Variants in PCDHA12 observed in about 807,000 individuals in gnomAD.
The protein encoded by PCDHA12 is protocadherin alpha-12.
In PCDHA12, 44 loss-of-function variants were observed where a neutral mutation model predicts 60.0. That is an observed-to-expected ratio of 0.73 (90% confidence interval 0.58 to 0.94). The LOEUF (loss-of-function observed/expected upper bound fraction) is 0.94. Among genes scored for constraint, PCDHA12 ranks in the 40% least tolerant of loss-of-function variants. The pLI, the probability that PCDHA12 is intolerant of heterozygous loss-of-function variation, is 0.00. For synonymous variants in PCDHA12, 569 were observed against 553.0 expected (o/e 1.03, Z -0.40); for missense variants, 1,276 against 1,239.7 (o/e 1.03, Z -0.44).
At chr5:140,993,720 T>C (rs1201014213) in intron 3 of PCDHA12, among the ~76,000 whole-genome samples, 2 of 152,172 alleles carry the variant, frequency 1.3e-5, no homozygotes, top group Non-Finnish European at 2.9e-5. Context: ...TTACTGTACC[T>C]TTTCTATGTT....
chr5:140,938,385 A>G (rs952402645), intron 1 of PCDHA12, among the ~76,000 whole-genome samples: 8 of 152,202 alleles, frequency 5.3e-5, no homozygotes, highest in Admixed American at 2.6e-4. Flanking sequence ...TAAATATTTA[A>G]TATGAAATAC....
chr5:140,997,557 A>G lies in PCDHA12; in HGVS notation c.2516-12070A>G, dbSNP rs1392974918. On this transcript the variant is annotated intron_variant, in intron 3 of 3. Coordinates refer to ENST00000398631, the MANE Select transcript of PCDHA12 (RefSeq NM_018903.4). ...TACATTATTATAATCTTACAGGACA[A>G]CTGTCATATGTGTGGTCCGTTGTTG... is the stretch of plus-strand genomic sequence containing the variant. Among the ~76,000 whole-genome samples, 15 of 152,262 alleles carry G rather than the reference A, an allele frequency of 9.9e-5. No individual in the cohort carries two copies. In the South Asian group the frequency reaches 1.2e-3, roughly 13 times the overall value.
chr5:140,896,750 A>G (rs781993760), intron 1 of PCDHA12, among the ~76,000 whole-genome samples: 3 of 152,114 alleles, frequency 2.0e-5, no homozygotes, highest in Non-Finnish European at 4.4e-5. Flanking sequence ...GATTCTGGAT[A>G]TTAGACCTTT....
At chr5:140,974,379 T>G (rs2096625482) in intron 1 of PCDHA12, among the ~76,000 whole-genome samples, 1 of 152,250 alleles carries the variant, frequency 6.6e-6, no homozygotes, top group South Asian at 2.1e-4. Flanking sequence ...TCTGTTGTAC[T>G]GGAACCCATT....
intron 1 of PCDHA12, among the ~76,000 whole-genome samples, chr5:140,937,353 T>C (rs2091494629): frequency 6.6e-6 from 1 of 152,146 alleles, no homozygotes; most frequent in Admixed American, 6.5e-5. Context: ...ATTTATTTTA[T>C]TATTTTATCT....
At position 140,877,299 on chromosome 5, in the gene PCDHA12, C is replaced by A. The variant is rs374061607; in HGVS notation, c.1827C>A (p.Tyr609Ter). 1,401 of 1,613,926 alleles carry A rather than the reference C, an allele frequency of 8.7e-4. 20 individuals carry two copies. The South Asian group carries it at 0.013, about 15-fold the overall frequency. The change falls in exon 1 of 4, where the codon TAC becomes TAA. Residue 609 changes from tyrosine to a stop codon, truncating the protein, a stop_gained. Transcript: ENST00000398631. LOFTEE classifies it high-confidence loss of function. ...CCGGCTATAACGCTTGGCTGTCCTA[C>A]GAGTTGCAACCGGCGGCGGTCGGCG... ...ADSGYNAWLS[Y>*]ELQPAAVGAH... is the part of the protein sequence containing the mutation.
At chr5:140,897,881 C>T (rs1417702752) in intron 1 of PCDHA12, among the ~76,000 whole-genome samples, 1 of 152,194 alleles carries the variant, frequency 6.6e-6, no homozygotes. Context: ...GATTGCCATT[C>T]TAACTGGTGT....
intron 1 of PCDHA12, among the ~76,000 whole-genome samples, chr5:140,959,089 C>T (rs150796442): frequency 0.023 from 3,565 of 152,100 alleles, 49 homozygotes; most frequent in Middle Eastern, 0.034. Context: ...TCCTTGGTTT[C>T]GGACATTCAG....
intron 1 of PCDHA12, among the ~76,000 whole-genome samples, chr5:140,906,410 A>T (rs1454575995): frequency 6.6e-6 from 1 of 152,246 alleles, no homozygotes; most frequent in Non-Finnish European, 1.5e-5. Flanking sequence ...ATATGAAGTC[A>T]ATAAATCTTA....
chr5:140,882,888 A>G, intron 1 of PCDHA12: 1 of 1,614,190 alleles, frequency 6.2e-7, no homozygotes. Context: ...GAAATTCAGG[A>G]ACATAGTTTA....
chr5:140,989,004 CTTA>C (rs1445940440), intron 3 of PCDHA12: 15 of 152,184 alleles, frequency 9.9e-5, no homozygotes, highest in African/African-American at 3.4e-4. Context: ...GAAATAGAGA[CTTA>C]TTATAGTTTC....
intron 1 of PCDHA12, among the ~76,000 whole-genome samples, chr5:140,955,323 G>A (rs1213005534): frequency 6.6e-6 from 1 of 152,098 alleles, no homozygotes; most frequent in East Asian, 1.9e-4. Flanking sequence ...ACCTTGAATT[G>A]TAGTTCCCAT....
intron 3 of PCDHA12, among the ~76,000 whole-genome samples, chr5:141,008,010 T>C (rs2098356270): frequency 6.6e-6 from 1 of 152,214 alleles, no homozygotes; most frequent in African/African-American, 2.4e-5. Context: ...TAAACTTCTG[T>C]TTCCTTTTTT....
At chr5:140,930,084 A>G (rs1350674790) in intron 1 of PCDHA12, 1 of 152,142 alleles carries the variant, frequency 6.6e-6, no homozygotes, top group Non-Finnish European at 1.5e-5. Flanking sequence ...CTCTCATAAC[A>G]TCTATTTATA....
chr5:141,007,671 A>G (rs1161141271), intron 3 of PCDHA12, among the ~76,000 whole-genome samples: 1 of 152,184 alleles, frequency 6.6e-6, no homozygotes, highest in African/African-American at 2.4e-5. Context: ...TTACAAAGAC[A>G]AAAGTTATCC....
chr5:140,997,133 C>A (rs1554255761), intron 3 of PCDHA12, among the ~76,000 whole-genome samples: 3 of 152,090 alleles, frequency 2.0e-5, no homozygotes, highest in Non-Finnish European at 4.4e-5. Flanking sequence ...ACAATGCCCC[C>A]ACACCCCCGC....
intron 1 of PCDHA12, chr5:140,929,115 C>T: frequency 6.2e-7 from 1 of 1,614,136 alleles, no homozygotes. Context: ...CATCAGCCAC[C>T]ATAGATGTCA....
At chr5:140,907,071 C>T (rs1220660624) in intron 1 of PCDHA12, among the ~76,000 whole-genome samples, 1 of 152,156 alleles carries the variant, frequency 6.6e-6, no homozygotes, top group African/African-American at 2.4e-5. Flanking sequence ...TAGTGGGTCA[C>T]TAGGGGTGAT....
chr5:140,970,286 C>A (rs2096395973), intron 1 of PCDHA12, among the ~76,000 whole-genome samples: 2 of 152,174 alleles, frequency 1.3e-5, no homozygotes, highest in Admixed American at 6.5e-5. Context: ...GTAGCCTTTT[C>A]AAGTCCTTCA....
Sources: gnomAD v4.1 joint callset for allele counts (sites outside exome capture counted in the v4.1 genomes callset) on GRCh38, gnomAD v4.1.1 for gene constraint, MANE v1.5 for transcripts, NCBI Gene and HGNC (gene_info 2026-07-23, HGNC 2026-07-21) for gene names.